DCDC1: variants seen among roughly 807,000 people sequenced by gnomAD.
The protein encoded by DCDC1 is doublecortin domain containing 1, also known as doublecortin domain-containing protein 1.
DCDC1 carries 200 observed loss-of-function variants against 178.3 expected under a neutral mutation model. The observed-to-expected ratio is 1.12, with a 90% confidence interval of 1.00 to 1.26. The LOEUF is 1.26. Among genes scored for constraint, DCDC1 ranks in the 50% most tolerant of loss-of-function variants. The pLI is 0.00. For missense variants in DCDC1, 1,983 were observed against 1,749.2 expected, an observed-to-expected ratio of 1.13 and a Z score of -2.38; for synonymous variants, 690 against 604.8, an observed-to-expected ratio of 1.14 and a Z score of -2.07.
chr11:31,346,978 A>G (rs1950850361), intron 1 of DCDC1, among the ~76,000 whole-genome samples: 1 of 152,202 alleles, frequency 6.6e-6, no homozygotes, highest in African/African-American at 2.4e-5. Flanking sequence ...CAGAAATCAC[A>G]TATTTTCCAA....
At chr11:31,205,073 C>T (rs926819487) in intron 9 of DCDC1, among the ~76,000 whole-genome samples, 5 of 152,122 alleles carry the variant, frequency 3.3e-5, no homozygotes, top group Admixed American at 1.3e-4. Flanking sequence ...ATTCAGCAGA[C>T]CTGTTAGTCA....
intron 20 of DCDC1, among the ~76,000 whole-genome samples, chr11:30,975,960 T>C (rs186780193): frequency 2.6e-4 from 39 of 152,104 alleles, no homozygotes; most frequent in Middle Eastern, 3.4e-3. Context: ...CTTCAAAATA[T>C]ATTACAAGGC....
chr11:31,159,127 T>G (rs1966053435), intron 9 of DCDC1, among the ~76,000 whole-genome samples: 1 of 152,218 alleles, frequency 6.6e-6, no homozygotes, highest in Admixed American at 6.5e-5. Context: ...AATCTCATTA[T>G]AAACTACAAA....
intron 6 of DCDC1, among the ~76,000 whole-genome samples, chr11:31,291,924 G>A (rs1591660010): frequency 6.6e-6 from 1 of 152,072 alleles, no homozygotes; most frequent in African/African-American, 2.4e-5. Flanking sequence ...ATATTGATAT[G>A]AAAAACAAGC....
chr11:30,961,495 CTG>C (rs776100518), intron 20 of DCDC1, among the ~76,000 whole-genome samples: 6 of 152,170 alleles, frequency 3.9e-5, no homozygotes, highest in Admixed American at 1.3e-4. Context: ...CATCCCACGA[CTG>C]TTAAAGAAAC....
At chr11:31,244,221 T>C (rs1369634602) in intron 8 of DCDC1, among the ~76,000 whole-genome samples, 1 of 151,772 alleles carries the variant, frequency 6.6e-6, no homozygotes, top group African/African-American at 2.4e-5. Flanking sequence ...AAAATATTAT[T>C]GAATAATTGA....
chr11:31,162,735 T>C (rs11601072), intron 9 of DCDC1, among the ~76,000 whole-genome samples: 1 of 152,140 alleles, frequency 6.6e-6, no homozygotes, highest in Non-Finnish European at 1.5e-5. Context: ...CCAAACATTG[T>C]TCTTACAACT....
chr11:31,328,347 G>A (rs1003875629), intron 2 of DCDC1, 61 bp from the exon 3 acceptor site: 30 of 1,464,890 alleles, frequency 2.0e-5, no homozygotes, highest in Non-Finnish European at 2.6e-5. Flanking sequence ...ATTACAAATA[G>A]AGGCTGGGCA....
At chr11:31,167,885 T>A (rs1479868469) in intron 9 of DCDC1, among the ~76,000 whole-genome samples, 1 of 152,164 alleles carries the variant, frequency 6.6e-6, no homozygotes, top group Non-Finnish European at 1.5e-5. Flanking sequence ...TCTTTTGAAA[T>A]GTCAACCCAC....
intron 20 of DCDC1, among the ~76,000 whole-genome samples, chr11:30,984,332 C>G (rs949557754): frequency 6.6e-6 from 1 of 152,144 alleles, no homozygotes; most frequent in Non-Finnish European, 1.5e-5. Flanking sequence ...CACTATATTT[C>G]ACACACAAGA....
intron 34 of DCDC1, among the ~76,000 whole-genome samples, chr11:30,896,082 C>T (rs1372463267): frequency 6.6e-6 from 1 of 152,112 alleles, no homozygotes; most frequent in Non-Finnish European, 1.5e-5. Flanking sequence ...CTATAATTTT[C>T]ATGAAGAGAC....
rs756638479 is a variant in DCDC1, at chr11:30,888,060, A to AAGAAAGAAAGAAAGAAAGAAAGAG, written c.5082+4757_5082+4758insCTCTTTCTTTCTTTCTTTCTTTCT. On this transcript the variant is annotated intron_variant, in intron 36 of 38. Transcript: ENST00000684477. ...AAAGAAAGAAAGAAAGAAAGAAAGA[A>AAGAAAGAAAGAAAGAAAGAAAGAG]AGAGAGAGAGAGAGAGAGAGAGAGA... Among the ~76,000 whole-genome samples the AAGAAAGAAAGAAAGAAAGAAAGAG allele has an allele frequency of 1.8e-4, 13 of 73,450 alleles. 1 individual carries two copies. The highest frequency in any genetic ancestry group is 7.5e-4 in the African/African-American group (11 of 14,660). The allele number at this position is 73,450 out of a possible 152,430, so 48.2% of individuals were successfully genotyped here. A position where few individuals can be genotyped will look rare whatever the true frequency, so the allele number is the denominator to read the frequency against.
chr11:31,062,432 G>A (rs1418305266), intron 20 of DCDC1, among the ~76,000 whole-genome samples: 1 of 152,106 alleles, frequency 6.6e-6, no homozygotes, highest in Admixed American at 6.6e-5. Context: ...TAGTGGAGAG[G>A]GGCTTGACTA....
chr11:31,012,675 T>A lies in DCDC1; in HGVS notation c.2591+51794A>T, dbSNP rs180793460. On this transcript the variant is annotated intron_variant, in intron 20 of 38. Transcript: ENST00000684477. ...TCCACTAACAGGAAAGTAGATTTTT[T>A]AAATTGTGCTGTATTCATAAAATAA... Among the ~76,000 whole-genome samples, 12 of 152,066 alleles carry A rather than the reference T, an allele frequency of 7.9e-5. No homozygotes were observed. In the East Asian group the frequency reaches 9.6e-4, roughly 12 times the overall value.
At chr11:31,128,011 C>A (rs1961890825) in intron 10 of DCDC1, among the ~76,000 whole-genome samples, 5 of 151,964 alleles carry the variant, frequency 3.3e-5, no homozygotes, top group Admixed American at 3.3e-4. Context: ...AACCTACCAC[C>A]AAATATTTCA....
chr11:30,969,261 G>A (rs1011049020), intron 20 of DCDC1, among the ~76,000 whole-genome samples: 1 of 152,106 alleles, frequency 6.6e-6, no homozygotes, highest in Admixed American at 6.5e-5. Context: ...CTGTGTTTAG[G>A]CCCTAAACCT....
chr11:31,343,851 C>T (rs1384792746), intron 1 of DCDC1, among the ~76,000 whole-genome samples: 2 of 151,752 alleles, frequency 1.3e-5, no homozygotes, highest in African/African-American at 2.4e-5. Flanking sequence ...ACCCAGGAGG[C>T]GGAAATTGCA....
At chr11:30,939,190 T>C (rs1429412157) in intron 21 of DCDC1, among the ~76,000 whole-genome samples, 1 of 152,196 alleles carries the variant, frequency 6.6e-6, no homozygotes, top group Non-Finnish European at 1.5e-5. Context: ...CTTGCTTTTC[T>C]CCCTGTTACC....
intron 17 of DCDC1, among the ~76,000 whole-genome samples, chr11:31,083,148 A>G (rs1957290599): frequency 6.6e-6 from 1 of 152,130 alleles, no homozygotes; most frequent in Non-Finnish European, 1.5e-5. Context: ...TTGTCACTCC[A>G]TTTTTAGCAA....
Sources: gnomAD v4.1 joint callset for allele counts (sites outside exome capture counted in the v4.1 genomes callset) on GRCh38, gnomAD v4.1.1 for gene constraint, MANE v1.5 for transcripts, NCBI Gene and HGNC (gene_info 2026-07-23, HGNC 2026-07-21) for gene names.